Variants in CACNG4 observed in about 807,000 individuals in gnomAD.
CACNG4 encodes voltage-dependent calcium channel gamma-4 subunit.
Under a neutral mutation model 22.9 loss-of-function variants are expected in CACNG4, and 8 were observed. The observed-to-expected ratio is 0.35, with a 90% CI of 0.21 to 0.63. The LOEUF is 0.63. Among genes scored for constraint, CACNG4 ranks in the 30% least tolerant of loss-of-function variants. The pLI, the probability that CACNG4 is intolerant of heterozygous loss-of-function variation, is 0.72. For synonymous variants in CACNG4, 188 were observed against 191.9 expected, an observed-to-expected ratio of 0.98 and a Z score of 0.17; for missense variants, 357 against 455.4, an observed-to-expected ratio of 0.78 and a Z score of 1.97.
intron 1 of CACNG4, among the ~76,000 whole-genome samples, chr17:67,006,297 C>T (rs2035437501): frequency 1.3e-5 from 2 of 152,206 alleles, no homozygotes; most frequent in African/African-American, 4.8e-5. Context: ...CATTCAGAGC[C>T]TGGAGGGTCT....
Position 67,030,640 on chromosome 17 carries a change from T to A in CACNG4, c.620T>A (p.Ile207Asn). Residue 207 changes from isoleucine (I) to asparagine (N), a missense_variant, in exon 4 of 4, where the codon ATT (isoleucine) becomes AAT (asparagine). By Grantham distance (149) the Ile-to-Asn change is moderately radical. Around this residue, in one of 3 missense-constraint regions of CACNG4, gnomAD observed 240 missense variants for 277.6 expected, o/e 0.86. Transcript: ENST00000262138. This position sits in a 1 kb window ranked among gnomAD's most constrained non-coding sequence, Gnocchi z 6.4. ...TVGVLAVNIY[I>N]EKNKELRFKT... Reference sequence around the variant, plus strand: ...GGCGTCCTGGCTGTAAACATTTACATTGAGAAAAATAAAGAGTTGAGGTTT... The same window carrying A: ...GGCGTCCTGGCTGTAAACATTTACAATGAGAAAAATAAAGAGTTGAGGTTT... The A allele has an allele frequency of 6.2e-7, 1 of 1,614,218 alleles. No individual in the cohort carries two copies. The highest frequency in any genetic ancestry group is 1.1e-5 in the South Asian group (1 of 91,078).
In CACNG4 at chr17:67,031,879, G is replaced by C. The variant is rs143223580; in HGVS notation, c.*875G>C. The C allele has an allele frequency of 4.4e-6, 2 of 456,628 alleles. No individual in the cohort carries two copies. Among genetic ancestry groups the C allele is most frequent in the Non-Finnish European group, 8.8e-6 (2 of 226,966 alleles). The allele number at this position is 456,628 out of a possible 1,614,324, so 28.3% of individuals were successfully genotyped here. A position where few individuals can be genotyped will look rare whatever the true frequency, so the allele number is the denominator to read the frequency against. ...CTGTCCCCTGAGCGTTGGGGGTCCC[G>C]GGGGAGAGGTGGACAGACACCTCCC... On this transcript the variant is annotated 3_prime_UTR_variant, in exon 4 of 4. Coordinates refer to ENST00000262138, the MANE Select transcript of CACNG4 (RefSeq NM_014405.4). The surrounding 1 kb of genome is among the most constrained non-coding windows in gnomAD (Gnocchi z 4.0).
chr17:67,011,987 G>A (rs2035471169), intron 1 of CACNG4, among the ~76,000 whole-genome samples: 1 of 152,148 alleles, frequency 6.6e-6, no homozygotes, highest in Non-Finnish European at 1.5e-5. Flanking sequence ...AGCTAACCCA[G>A]TGCACCTGGT....
intron 1 of CACNG4, among the ~76,000 whole-genome samples, chr17:66,970,048 C>T (rs1440476360): frequency 6.6e-6 from 1 of 152,216 alleles, no homozygotes; most frequent in Non-Finnish European, 1.5e-5. Flanking sequence ...CTAATTATCA[C>T]AGCCATCACT....
At chr17:67,022,947 G>T (rs573994352) in intron 2 of CACNG4, among the ~76,000 whole-genome samples, 3 of 152,232 alleles carry the variant, frequency 2.0e-5, no homozygotes, top group African/African-American at 7.2e-5. Context: ...TGTAACAAAT[G>T]ATCAAAACTG....
chr17:66,986,740 A>G (rs925629894), intron 1 of CACNG4, among the ~76,000 whole-genome samples: 1 of 152,202 alleles, frequency 6.6e-6, no homozygotes, highest in South Asian at 2.1e-4. Flanking sequence ...TTGGCTTTGT[A>G]GAAGCATCAC....
chr17:66,966,090 G>C (rs1394751578), intron 1 of CACNG4, among the ~76,000 whole-genome samples: 2 of 152,244 alleles, frequency 1.3e-5, no homozygotes, highest in Non-Finnish European at 2.9e-5. Flanking sequence ...TAGGGGACCA[G>C]GATTTCAGCC....
intron 1 of CACNG4, among the ~76,000 whole-genome samples, chr17:66,974,438 G>A (rs2035223682): frequency 6.6e-6 from 1 of 152,076 alleles, no homozygotes; most frequent in South Asian, 2.1e-4. Flanking sequence ...CAGGCTTTGG[G>A]GTTGGACCTC....
chr17:67,030,436 C>G lies in CACNG4; in HGVS notation c.446-30C>G. 6.2e-7 allele frequency: 1 copy of G among 1,603,208 alleles called. No individual in the cohort carries two copies. Among genetic ancestry groups the G allele is most frequent in the Non-Finnish European group, 8.5e-7 (1 of 1,172,864 alleles). Reference sequence around the variant, plus strand: ...ACCTCTGCCTCTCTCCCTCCCTGGCCCCGCTCCCCGCTCCCCGCTTCCCTT... The same window carrying G: ...ACCTCTGCCTCTCTCCCTCCCTGGCGCCGCTCCCCGCTCCCCGCTTCCCTT... On this transcript the variant is annotated intron_variant, in intron 3 of 3. Transcript: ENST00000262138. This position sits in a 1 kb window ranked among gnomAD's most constrained non-coding sequence, Gnocchi z 6.4.
chr17:67,015,910 T>C (rs1406512924), intron 1 of CACNG4, among the ~76,000 whole-genome samples: 1 of 152,136 alleles, frequency 6.6e-6, no homozygotes. Flanking sequence ...TCCAGGAACA[T>C]TCTGAGCCTG....
intron 3 of CACNG4, among the ~76,000 whole-genome samples, chr17:67,029,666 A>AAACAC (rs2035589879): frequency 6.6e-6 from 1 of 152,108 alleles, no homozygotes; most frequent in Non-Finnish European, 1.5e-5. Flanking sequence ...ACAAAAACAA[A>AAACAC]CAAATCCATG....
intron 1 of CACNG4, among the ~76,000 whole-genome samples, chr17:66,999,245 C>G (rs2035392746): frequency 2.0e-5 from 3 of 151,282 alleles, no homozygotes; most frequent in Non-Finnish European, 4.4e-5. Context: ...CAAGTATTAG[C>G]TGCTATTACT....
intron 1 of CACNG4, among the ~76,000 whole-genome samples, chr17:67,001,240 C>T (rs2035406314): frequency 6.6e-6 from 1 of 152,120 alleles, no homozygotes; most frequent in Non-Finnish European, 1.5e-5. Flanking sequence ...ACTGTGAGTC[C>T]ATTAAACCTC....
chr17:67,022,177 C>T (rs942619765), intron 2 of CACNG4, among the ~76,000 whole-genome samples: 5 of 151,308 alleles, frequency 3.3e-5, no homozygotes, highest in Admixed American at 2.0e-4. Flanking sequence ...CGGGTTCAGG[C>T]GATTCTTGTG....
Position 67,022,657 on chromosome 17 carries a change from A to G in CACNG4, c.305-2203A>G, listed in dbSNP as rs565033244. On this transcript the variant is annotated intron_variant, in intron 2 of 3. Transcript: ENST00000262138. ...AGGCTGACAGCCCTGAAACCCGCTC[A>G]GCTGGCTGGGGAGGGTGGCGCCTGC... 2.6e-5 allele frequency among the ~76,000 whole-genome samples: 4 copies of G among 152,390 alleles called. No homozygotes were observed. In the South Asian group the frequency reaches 8.3e-4, roughly 32 times the overall value.
At chr17:66,977,062 C>T (rs3785597) in intron 1 of CACNG4, among the ~76,000 whole-genome samples, 23,250 of 152,112 alleles carry the variant, frequency 0.15, 3,344 homozygotes, top group African/African-American at 0.37. Flanking sequence ...ACCTCCGACA[C>T]ACGCCCACTG....
Position 67,027,301 on chromosome 17 carries a change from A to G in CACNG4, c.445+2301A>G, listed in dbSNP as rs9892388. Among the ~76,000 whole-genome samples the G allele has an allele frequency of 0.72, 110,262 of 152,182 alleles. 40,823 individuals are homozygous for G. The highest frequency in any genetic ancestry group is 0.98 in the East Asian group (5,078 of 5,190). On this transcript the variant is annotated intron_variant, in intron 3 of 3. Coordinates refer to ENST00000262138, the MANE Select transcript of CACNG4 (RefSeq NM_014405.4). This position sits in a 1 kb window ranked among gnomAD's most constrained non-coding sequence, Gnocchi z 4.3. ...CCAGATGCTTGGTGCCACCAGAGGG[A>G]CTTGGAGCCTGGACCCAGAGCCCTA...
At chr17:67,017,931 G>A (rs1407949320) in intron 1 of CACNG4, among the ~76,000 whole-genome samples, 8 of 151,998 alleles carry the variant, frequency 5.3e-5, no homozygotes, top group African/African-American at 1.9e-4. Flanking sequence ...TATTCATGCC[G>A]GGTCCCATTA....
At chr17:67,018,677 G>A (rs960951985) in intron 2 of CACNG4, among the ~76,000 whole-genome samples, 1 of 152,118 alleles carries the variant, frequency 6.6e-6, no homozygotes, top group Non-Finnish European at 1.5e-5. Context: ...GCACAATGGG[G>A]CCTCCCCACC....
Sources: allele counts gnomAD v4.1 joint callset (sites outside exome capture counted in the v4.1 genomes callset), GRCh38; gene constraint gnomAD v4.1.1; regional missense constraint gnomAD v4.1.1; non-coding constraint Gnocchi (gnomAD v3.1); transcripts MANE v1.5; gene names NCBI Gene and HGNC (gene_info 2026-07-23, HGNC 2026-07-21).